The following MSH6 variants were observed in gnomAD, a reference collection of about 807,000 sequenced individuals.
The protein encoded by MSH6 is mutS homolog 6.
A neutral mutation model predicts 119.1 loss-of-function variants in MSH6; 85 were observed. The ratio of observed to expected loss-of-function variants is 0.71; its 90% CI spans 0.60 to 0.85. The LOEUF is 0.85. MSH6 is among the 40% of genes least tolerant of loss of function. The probability of loss-of-function intolerance (pLI) is 0.00; values close to 1 mark genes in which losing one functional copy is unlikely to be tolerated. For synonymous variants in MSH6, 830 were observed against 586.9 expected, an observed-to-expected ratio of 1.41 and a Z score of -5.99; for missense variants, 2,163 against 1,655.3, an observed-to-expected ratio of 1.31 and a Z score of -5.32.
chr2:47,802,425 G>A (rs372111780), intron 4 of MSH6, among the ~76,000 whole-genome samples: 2 of 152,010 alleles, frequency 1.3e-5, no homozygotes, highest in Admixed American at 6.6e-5. Context: ...CAAACTGCTG[G>A]GTTCAAGTGA....
At position 47,800,616 on chromosome 2, in the gene MSH6, TTGC is replaced by T; in HGVS notation, c.2636_2638del (p.Ala879del). 6.2e-7 allele frequency: 1 copy of T among 1,614,190 alleles called. No homozygotes were observed. The highest frequency in any genetic ancestry group is 2.2e-5 in the East Asian group (1 of 44,890). On this transcript the variant is annotated inframe_deletion, in exon 4 of 10. Coordinates refer to ENST00000234420, the MANE Select transcript of MSH6 (RefSeq NM_000179.3). ...AAAATTATAGGGATCATGGAAGAAGTTGCTGATGGTTTTAAGTCTAAAATCCTT... is the reference window on the plus strand; with the variant it reads ...AAAATTATAGGGATCATGGAAGAAGTTGATGGTTTTAAGTCTAAAATCCTT...
chr2:47,793,318 C>CTCAAAAAA (rs1441753856), intron 2 of MSH6, among the ~76,000 whole-genome samples: 3,026 of 48,718 alleles, frequency 0.062, 254 homozygotes, highest in Middle Eastern at 0.11. Context: ...GAGACTGTCT[C>CTCAAAAAA]AAAAAAAAAA....
Position 47,799,594 on chromosome 2 carries a change from G to GT in MSH6, c.1612dup (p.Tyr538LeufsTer4), listed in dbSNP as rs1230092559. 6.2e-7 allele frequency: 1 copy of GT among 1,614,038 alleles called. No homozygotes were observed. Among genetic ancestry groups the GT allele is most frequent in the East Asian group, 2.2e-5 (1 of 44,898 alleles). The stretch of plus-strand genomic sequence containing the variant: ...GTGATCCCTCTGAGAACTACAGTAA[G>GT]TATCTTCTTAGCCTCAAAGAAAAAG... On this transcript the variant is annotated frameshift_variant, in exon 4 of 10. Coordinates refer to ENST00000234420, the MANE Select transcript of MSH6 (RefSeq NM_000179.3). LOFTEE classifies it high-confidence loss of function.
At chr2:47,794,833 C>T (rs996064895) in intron 2 of MSH6, among the ~76,000 whole-genome samples, 8 of 152,072 alleles carry the variant, frequency 5.3e-5, no homozygotes, top group African/African-American at 1.4e-4. Flanking sequence ...CTTGCTCTGT[C>T]GCCCAGGCTG....
chr2:47,789,620 C>T (rs1572707070), intron 1 of MSH6, among the ~76,000 whole-genome samples: 1 of 152,134 alleles, frequency 6.6e-6, no homozygotes. Flanking sequence ...TTACAGTCCT[C>T]CCTTTGTATC....
At chr2:47,791,169 T>C in intron 2 of MSH6, 46 bp downstream of exon 2, 7 of 1,551,710 alleles carry the variant, frequency 4.5e-6, no homozygotes, top group Non-Finnish European at 6.2e-6. Flanking sequence ...TGTGTGTGTG[T>C]GTGTGTGAGA....
Position 47,783,390 on chromosome 2 carries a change from G to GCTGGGC in MSH6, c.165_170dup (p.Gly56_Pro57dup), listed in dbSNP as rs767894453. 1.3e-6 allele frequency: 2 copies of GCTGGGC among 1,579,186 alleles called. No homozygotes were observed. Among genetic ancestry groups the GCTGGGC allele is most frequent in the Non-Finnish European group, 1.7e-6 (2 of 1,162,402 alleles). On this transcript the variant is annotated inframe_insertion, in exon 1 of 10. Coordinates refer to ENST00000234420, the MANE Select transcript of MSH6 (RefSeq NM_000179.3). ...AGGCGGGGATGCGGCCTGGAGCGAGGCTGGGCCTGGGCCCAGGCCCTTGGC... is the reference window on the plus strand; with the variant it reads ...AGGCGGGGATGCGGCCTGGAGCGAGGCTGGGCCTGGGCCTGGGCCCAGGCCCTTGGC...
chr2:47,804,975 A>G lies in MSH6; in HGVS notation c.3504A>G (p.Thr1168=), dbSNP rs898971634. ...CYVPAEVCRL[T]PIDRVFTRLG... is the part of the protein sequence containing the mutation. ...TCCCTGCTGAAGTGTGCAGGCTCAC[A>G]CCAATTGATAGAGTGTTTACTAGAC... The change falls in exon 6 of 10, where the codon ACA becomes ACG. Residue 1168 remains threonine, a synonymous_variant. Transcript: ENST00000234420. 6.2e-7 allele frequency: 1 copy of G among 1,614,044 alleles called. No homozygotes were observed. The highest frequency in any genetic ancestry group is 8.5e-7 in the Non-Finnish European group (1 of 1,180,024).
chr2:47,807,178 G>A, downstream of MSH6: 1 of 275,552 alleles, frequency 3.6e-6, no homozygotes, highest in Non-Finnish European at 6.9e-6. Context: ...CTTAATGCAG[G>A]AAATTGGTTT....
Position 47,789,807 on chromosome 2 carries a change from AT to A in MSH6, c.261-1116del, listed in dbSNP as rs1387864561. 2.0e-5 allele frequency among the ~76,000 whole-genome samples: 3 copies of A among 151,766 alleles called. No individual in the cohort carries two copies. In the East Asian group the frequency reaches 5.8e-4, roughly 29 times the overall value. On this transcript the variant is annotated intron_variant, in intron 1 of 9. Transcript: ENST00000234420. ...GCTTTGAAATTAGTTGTTCAGCTGT[AT>A]TTTAAATTTTGTATTTTTTTTCCTT...
At position 47,805,796 on chromosome 2, in the gene MSH6, A is replaced by C. The variant is rs554480624; in HGVS notation, c.3646+89A>C. ...TTTTATAGAAGATTATCTGAAGTACATTTAAACAATATGAATGTTTTTAGA... is the reference window on the plus strand; with the variant it reads ...TTTTATAGAAGATTATCTGAAGTACCTTTAAACAATATGAATGTTTTTAGA... On this transcript the variant is annotated intron_variant, in intron 7 of 9. Transcript: ENST00000234420. 7.4e-5 allele frequency: 79 copies of C among 1,062,046 alleles called. 1 individual carries two copies. The East Asian group carries it at 1.8e-3, about 25-fold the overall frequency. 65.8% of individuals were successfully genotyped at this position (1,062,046 alleles called of 1,614,324 possible). A position where few individuals can be genotyped will look rare whatever the true frequency, so the allele number is the denominator to read the frequency against.
Position 47,800,427 on chromosome 2 carries a change from T to G in MSH6, c.2444T>G (p.Leu815Arg), listed in dbSNP as rs760129709. Reference sequence around the variant, plus strand: ...GAAGTTGTAGAGCTTCTAAAGAAGCTTCCAGATCTTGAGAGGCTACTCAGT... The same window carrying G: ...GAAGTTGTAGAGCTTCTAAAGAAGCGTCCAGATCTTGAGAGGCTACTCAGT... ...ISEVVELLKK[L>R]PDLERLLSKI... The change falls in exon 4 of 10, where the codon CTT (leucine) becomes CGT (arginine). Residue 815 changes from leucine (L) to arginine (R), a missense_variant. By Grantham distance (102) the Leu-to-Arg change is moderately radical. Coordinates refer to ENST00000234420, the MANE Select transcript of MSH6 (RefSeq NM_000179.3). The G allele has an allele frequency of 6.2e-7, 1 of 1,614,066 alleles. No individual in the cohort carries two copies. The highest frequency in any genetic ancestry group is 8.5e-7 in the Non-Finnish European group (1 of 1,180,034).
chr2:47,799,116 G>A lies in MSH6; in HGVS notation c.1133G>A (p.Arg378Lys), dbSNP rs587779205. 5.0e-6 allele frequency: 8 copies of A among 1,614,070 alleles called. No homozygotes were observed. Among genetic ancestry groups the A allele is most frequent in the South Asian group, 1.1e-5 (1 of 91,086 alleles). ...ETLEWLKEEKRRDEHRRRPDH... is the reference protein window; with the variant it reads ...ETLEWLKEEKKRDEHRRRPDH... ...TTAGAATGGCTTAAGGAGGAAAAGAGAAGAGATGAGCACAGGAGGAGGCCT... is the reference window on the plus strand; with the variant it reads ...TTAGAATGGCTTAAGGAGGAAAAGAAAAGAGATGAGCACAGGAGGAGGCCT... Residue 378 changes from arginine to lysine, a missense_variant, in exon 4 of 10, where the codon AGA (arginine) becomes AAA (lysine). Coordinates refer to ENST00000234420, the MANE Select transcript of MSH6 (RefSeq NM_000179.3).
intron 4 of MSH6, among the ~76,000 whole-genome samples, chr2:47,802,262 A>G (rs996165453): frequency 6.6e-6 from 1 of 152,148 alleles, no homozygotes; most frequent in Non-Finnish European, 1.5e-5. Context: ...TTCATAAGCA[A>G]TTTTGTTCTT....
Position 47,788,246 on chromosome 2 carries a change from C to CTTTTTTTTT in MSH6, c.261-2663_261-2655dup, listed in dbSNP as rs560110301. ...ATTTCTTTTCTTTCATTCTTTCTTT[C>CTTTTTTTTT]TTTTTTTTTTTTTTTTTTTTTTTTT... On this transcript the variant is annotated intron_variant, in intron 1 of 9. Coordinates refer to ENST00000234420, the MANE Select transcript of MSH6 (RefSeq NM_000179.3). 1.3e-3 allele frequency among the ~76,000 whole-genome samples: 114 copies of CTTTTTTTTT among 90,064 alleles called. 1 individual carries two copies. Among genetic ancestry groups the CTTTTTTTTT allele is most frequent in the African/African-American group, 2.0e-3 (42 of 20,714 alleles). The allele number at this position is 90,064 out of a possible 152,430, so 59.1% of individuals were successfully genotyped here.
rs1060502947 is a variant in MSH6 at position 47,801,095 on chromosome 2, T to C, written c.3112T>C (p.Tyr1038His). ...GAAGGACTGCATGCGGCGACTGTTCTATAACTTTGATAAAAATTACAAGGA... is the reference window on the plus strand; with the variant it reads ...GAAGGACTGCATGCGGCGACTGTTCCATAACTTTGATAAAAATTACAAGGA... Reference protein sequence around the residue: ...SLKDCMRRLFYNFDKNYKDWQ... With the variant: ...SLKDCMRRLFHNFDKNYKDWQ... The change falls in exon 4 of 10, where the codon TAT becomes CAT. Residue 1038 changes from tyrosine (Y) to histidine (H), a missense_variant. By Grantham distance (83) the Tyr-to-His change is moderately conservative (BLOSUM62 2). Coordinates refer to ENST00000234420, the MANE Select transcript of MSH6 (RefSeq NM_000179.3). 6 of 1,612,830 alleles carry C rather than the reference T, an allele frequency of 3.7e-6. No individual in the cohort carries two copies. Among genetic ancestry groups the C allele is most frequent in the Admixed American group, 1.7e-5 (1 of 59,736 alleles).
At position 47,799,823 on chromosome 2, in the gene MSH6, TC is replaced by T. The variant is rs730881825; in HGVS notation, c.1842del (p.Cys615ValfsTer7). On this transcript the variant is annotated frameshift_variant, in exon 4 of 10. Coordinates refer to ENST00000234420, the MANE Select transcript of MSH6 (RefSeq NM_000179.3). LOFTEE classifies it high-confidence loss of function. Reference sequence around the variant, plus strand: ...TAAAACAATTCTAAAGAGTTCATTGTCCTGTTCTCTTCAGGAAGGTCTGATA... The same window carrying T: ...TAAAACAATTCTAAAGAGTTCATTGTCTGTTCTCTTCAGGAAGGTCTGATA... ...ETKTILKSSL[S>X]CSLQEGLIPG... is the part of the protein sequence containing the mutation. The T allele has an allele frequency of 6.2e-7, 1 of 1,614,236 alleles. No individual in the cohort carries two copies. Among genetic ancestry groups the T allele is most frequent in the African/African-American group, 1.3e-5 (1 of 75,068 alleles).
chr2:47,788,106 A>G (rs1262594323), intron 1 of MSH6, among the ~76,000 whole-genome samples: 1 of 151,982 alleles, frequency 6.6e-6, no homozygotes, highest in Non-Finnish European at 1.5e-5. Context: ...TGACTCAGAA[A>G]CCAGTTTCCT....
At position 47,805,710 on chromosome 2, in the gene MSH6, A is replaced by G; in HGVS notation, c.3646+3A>G. 6.3e-7 allele frequency: 1 copy of G among 1,591,424 alleles called. No homozygotes were observed. Among genetic ancestry groups the G allele is most frequent in the South Asian group, 1.1e-5 (1 of 90,398 alleles). ...TCTGGTGCTTGTGGATGAATTAGGT[A>G]AGACATTAAACTTCTCATTTGAAGA... On this transcript the variant is annotated splice_donor_region_variant and intron_variant, in intron 7 of 9. Coordinates refer to ENST00000234420, the MANE Select transcript of MSH6 (RefSeq NM_000179.3).
Sources: allele counts gnomAD v4.1 joint callset (sites outside exome capture counted in the v4.1 genomes callset), GRCh38; gene constraint gnomAD v4.1.1; transcripts MANE v1.5; gene names NCBI Gene and HGNC (gene_info 2026-07-23, HGNC 2026-07-21).